TNS3: variants seen among roughly 807,000 people sequenced by gnomAD.
TNS3 encodes tensin 3, also known as tensin-3.
In TNS3, 45 loss-of-function variants were observed where a neutral mutation model predicts 140.9. The ratio of observed to expected loss-of-function variants is 0.32; its 90% CI spans 0.25 to 0.41. The LOEUF (loss-of-function observed/expected upper bound fraction) is 0.41. TNS3 is among the 10% of genes least tolerant of loss of function. The pLI, the probability that TNS3 is intolerant of heterozygous loss-of-function variation, is 1.00. For synonymous variants in TNS3, 815 were observed against 788.4 expected (o/e 1.03, Z -0.56); for missense variants, 1,716 against 1,906.7 (o/e 0.90, Z 1.86).
chr7:47,521,005 G>A (rs1798954778), intron 2 of TNS3, among the ~76,000 whole-genome samples: 1 of 152,242 alleles, frequency 6.6e-6, no homozygotes, highest in Non-Finnish European at 1.5e-5. Context: ...CATCTGGATT[G>A]TCATGCAACT....
Position 47,370,999 on chromosome 7 carries a change from G to A in TNS3, c.1025-1378C>T, listed in dbSNP as rs143434662. ...GGTCCTGGGGTGTGGTGCTGAAAAC[G>A]CGCCCACGCCAGGCTTTCTTCTTGT... is the stretch of plus-strand genomic sequence containing the variant. On this transcript the variant is annotated intron_variant, in intron 16 of 30. Coordinates refer to ENST00000311160, the MANE Select transcript of TNS3 (RefSeq NM_022748.12). Among the ~76,000 whole-genome samples, 974 of 152,314 alleles carry A rather than the reference G, an allele frequency of 6.4e-3. 4 individuals are homozygous for A. The highest frequency in any genetic ancestry group is 0.022 in the African/African-American group (903 of 41,568).
At position 47,283,971 on chromosome 7, in the gene TNS3, T is replaced by C. The variant is rs1785280582; in HGVS notation, c.3929-106A>G. 5 of 1,118,192 alleles carry C rather than the reference T, an allele frequency of 4.5e-6. No homozygotes were observed. In the East Asian group the frequency reaches 8.0e-5, roughly 18 times the overall value. The allele number at this position is 1,118,192 out of a possible 1,614,324, so 69.3% of individuals were successfully genotyped here. A position where few individuals can be genotyped will look rare whatever the true frequency, so the allele number is the denominator to read the frequency against. The stretch of plus-strand genomic sequence containing the variant: ...TGTGCAGACTGGGTTTATGAACAAC[T>C]TGCGCATGTGGCCTATGCTGGGTGC... On this transcript the variant is annotated intron_variant, in intron 27 of 30. Transcript: ENST00000311160.
chr7:47,392,122 C>T (rs946192959), intron 16 of TNS3, among the ~76,000 whole-genome samples: 1 of 152,148 alleles, frequency 6.6e-6, no homozygotes, highest in Non-Finnish European at 1.5e-5. Context: ...CTGTGTGCCG[C>T]GAGATATTCT....
chr7:47,478,264 T>G (rs571129474), intron 4 of TNS3, among the ~76,000 whole-genome samples: 1 of 152,278 alleles, frequency 6.6e-6, no homozygotes, highest in African/African-American at 2.4e-5. Context: ...GGCTGGGGCC[T>G]GAGAATGTGC....
At chr7:47,458,793 G>C (rs754561221) in intron 4 of TNS3, among the ~76,000 whole-genome samples, 2 of 152,246 alleles carry the variant, frequency 1.3e-5, no homozygotes, top group Non-Finnish European at 2.9e-5. Context: ...CACTGCCCTT[G>C]AGAGGCTAGC....
intron 17 of TNS3, among the ~76,000 whole-genome samples, chr7:47,361,683 C>T (rs1181410249): frequency 6.6e-6 from 1 of 152,154 alleles, no homozygotes; most frequent in Non-Finnish European, 1.5e-5. Flanking sequence ...TTATTAAAAG[C>T]TTACAGTTTC....
intron 1 of TNS3, among the ~76,000 whole-genome samples, chr7:47,561,725 G>A (rs561046970): frequency 2.6e-5 from 4 of 152,258 alleles, no homozygotes; most frequent in South Asian, 2.1e-4. Context: ...CCCAAGACTC[G>A]TCAAAAGGTG....
At chr7:47,563,825 T>C (rs1248411027) in intron 1 of TNS3, among the ~76,000 whole-genome samples, 1 of 152,230 alleles carries the variant, frequency 6.6e-6, no homozygotes, top group African/African-American at 2.4e-5. Flanking sequence ...ATGCATCCTC[T>C]TGGCTAGGCC....
Position 47,303,165 on chromosome 7 carries a change from T to C in TNS3, c.3242A>G (p.His1081Arg). The C allele has an allele frequency of 1.2e-6, 2 of 1,613,734 alleles. No homozygotes were observed. Among genetic ancestry groups the C allele is most frequent in the Non-Finnish European group, 1.7e-6 (2 of 1,179,976 alleles). The change falls in exon 22 of 31, where the codon CAC (histidine) becomes CGC (arginine). Residue 1081 changes from histidine (H) to arginine (R), a missense_variant. Around this residue, in one of 3 missense-constraint regions of TNS3, gnomAD observed 1,163 missense variants for 1,182.1 expected, o/e 0.98. Coordinates refer to ENST00000311160, the MANE Select transcript of TNS3 (RefSeq NM_022748.12). Reference sequence around the variant, plus strand: ...ACCCTGGCCCTGCAGGCCTGGACTGTGGTGGCTGCTGTGTCCAGGCGCCAC... The same window carrying C: ...ACCCTGGCCCTGCAGGCCTGGACTGCGGTGGCTGCTGTGTCCAGGCGCCAC... ...LTVAPGHSSHHSPGLQGQGVT... is the reference protein window; with the variant it reads ...LTVAPGHSSHRSPGLQGQGVT...
At chr7:47,547,180 C>G (rs369618722) in intron 1 of TNS3, among the ~76,000 whole-genome samples, 1 of 152,170 alleles carries the variant, frequency 6.6e-6, no homozygotes, top group Admixed American at 6.5e-5. Context: ...CAGTGTGTGT[C>G]GGGCTCCAGT....
At chr7:47,443,728 C>G (rs1023890802) in intron 4 of TNS3, among the ~76,000 whole-genome samples, 2 of 152,052 alleles carry the variant, frequency 1.3e-5, no homozygotes, top group African/African-American at 4.8e-5. Flanking sequence ...TCAAGACCAC[C>G]CTGGCCAACA....
chr7:47,387,295 G>A, intron 16 of TNS3, among the ~76,000 whole-genome samples: 1 of 152,312 alleles, frequency 6.6e-6, no homozygotes, highest in East Asian at 1.9e-4. Context: ...GAGAGACTGG[G>A]GCTGCTCCTT....
At position 47,369,675 on chromosome 7, in the gene TNS3, C is replaced by T. The variant is rs113250422; in HGVS notation, c.1025-54G>A. 8.0e-6 allele frequency: 12 copies of T among 1,506,128 alleles called. No individual in the cohort carries two copies. The African/African-American group carries it at 9.7e-5, about 12-fold the overall frequency. The allele number at this position is 1,506,128 out of a possible 1,614,324, so 93.3% of individuals were successfully genotyped here. ...TTCAGTCAGGGATGAAAGTGAGCCT[C>T]ACACCCTCTGAATGGGCGTGTGCAT... is the stretch of plus-strand genomic sequence containing the variant. On this transcript the variant is annotated intron_variant, in intron 16 of 30. Transcript: ENST00000311160.
rs111600223 is a variant in TNS3 at position 47,382,567 on chromosome 7, C to T, written c.1025-12946G>A. 9.0e-3 allele frequency among the ~76,000 whole-genome samples: 1,372 copies of T among 152,160 alleles called. 25 individuals are homozygous for T. The highest frequency in any genetic ancestry group is 0.032 in the African/African-American group (1,309 of 41,490). On this transcript the variant is annotated intron_variant, in intron 16 of 30. Transcript: ENST00000311160. The stretch of plus-strand genomic sequence containing the variant: ...TGTGGCTCAGAGTGTTTTGAAAGCC[C>T]CCAAGCCTTTTCACCCTGAAGGGTT...
chr7:47,521,410 C>A (rs1158974571), intron 2 of TNS3, among the ~76,000 whole-genome samples: 1 of 152,236 alleles, frequency 6.6e-6, no homozygotes, highest in Non-Finnish European at 1.5e-5. Context: ...GTTCACCCTG[C>A]AAGACAAGAC....
In TNS3 at chr7:47,516,659, C is replaced by T. The variant is rs77904242; in HGVS notation, c.-152-9715G>A. Among the ~76,000 whole-genome samples, 1,401 of 152,326 alleles carry T rather than the reference C, an allele frequency of 9.2e-3. 64 individuals are homozygous for T. The East Asian group carries it at 0.16, about 17-fold the overall frequency. ...CCTGCTAATGCCCCATCTACACATGCGGCAGCACGTAAGGAGATGGGCCAG... is the reference window on the plus strand; with the variant it reads ...CCTGCTAATGCCCCATCTACACATGTGGCAGCACGTAAGGAGATGGGCCAG... On this transcript the variant is annotated intron_variant, in intron 2 of 30. Coordinates refer to ENST00000311160, the MANE Select transcript of TNS3 (RefSeq NM_022748.12).
At chr7:47,278,474 C>A (rs1784974040) in intron 30 of TNS3, 1 of 472,558 alleles carries the variant, frequency 2.1e-6, no homozygotes, top group Non-Finnish European at 3.7e-6. Context: ...CTGTCCACAG[C>A]CCCAGGTTAG....
intron 4 of TNS3, among the ~76,000 whole-genome samples, chr7:47,459,396 A>G (rs1796391492): frequency 6.6e-6 from 1 of 152,188 alleles, no homozygotes; most frequent in Non-Finnish European, 1.5e-5. Flanking sequence ...CCCCTTTCCA[A>G]AAAAGAAACT....
intron 4 of TNS3, among the ~76,000 whole-genome samples, chr7:47,443,243 C>T (rs998472406): frequency 1.3e-5 from 2 of 152,208 alleles, no homozygotes; most frequent in African/African-American, 4.8e-5. Context: ...TCTCATGGAG[C>T]TGTCCAGGGA....
Sources: gnomAD v4.1 joint callset for allele counts (sites outside exome capture counted in the v4.1 genomes callset) on GRCh38, gnomAD v4.1.1 for gene constraint, gnomAD v4.1.1 regional missense constraint, MANE v1.5 for transcripts, NCBI Gene and HGNC (gene_info 2026-07-23, HGNC 2026-07-21) for gene names.